HIPK3: variants seen among roughly 807,000 people sequenced by gnomAD.
The protein encoded by HIPK3 is homeodomain-interacting protein kinase 3.
A neutral mutation model predicts 124.2 loss-of-function variants in HIPK3; 47 were observed. The observed-to-expected ratio is 0.38, with a 90% CI of 0.30 to 0.48. HIPK3 has a LOEUF of 0.48. HIPK3 is among the 20% of genes least tolerant of loss of function. HIPK3 has a pLI of 0.98. For synonymous variants in HIPK3, 482 were observed against 515.2 expected, an observed-to-expected ratio of 0.94 and a Z score of 0.87; for missense variants, 1,286 against 1,454.3, an observed-to-expected ratio of 0.88 and a Z score of 1.88.
At chr11:33,345,554 CAA>C (rs1853467825) in intron 8 of HIPK3, among the ~76,000 whole-genome samples, 1 of 151,964 alleles carries the variant, frequency 6.6e-6, no homozygotes, top group Admixed American at 6.5e-5. Context: ...AATTTACAGA[CAA>C]TGAGATTTTT....
intron 1 of HIPK3, among the ~76,000 whole-genome samples, chr11:33,266,052 C>G (rs1189210432): frequency 2.2e-5 from 3 of 138,578 alleles, no homozygotes; most frequent in Non-Finnish European, 4.6e-5. Context: ...GAGTGAGACT[C>G]CATCTCAAAA....
intron 15 of HIPK3, 128 bp downstream of exon 15, chr11:33,351,971 G>A (rs1316513742): frequency 1.0e-6 from 1 of 997,250 alleles, no homozygotes; most frequent in African/African-American, 1.6e-5. Flanking sequence ...ATTGTACAGA[G>A]GAAATCTTCT....
At chr11:33,273,861 TA>T (rs1307353067) in intron 1 of HIPK3, among the ~76,000 whole-genome samples, 1 of 152,208 alleles carries the variant, frequency 6.6e-6, no homozygotes. Flanking sequence ...CTTATGCAGT[TA>T]AATATTTATC....
intron 1 of HIPK3, among the ~76,000 whole-genome samples, chr11:33,286,064 T>A (rs534388427): frequency 3.0e-4 from 45 of 152,284 alleles, no homozygotes; most frequent in Admixed American, 2.9e-3. Flanking sequence ...GATCTATACT[T>A]TTCTTTTGAG....
At chr11:33,342,139 C>T (rs1026093544) in intron 8 of HIPK3, among the ~76,000 whole-genome samples, 5 of 147,076 alleles carry the variant, frequency 3.4e-5, no homozygotes, top group East Asian at 4.1e-4. Context: ...TTAAGCTGTT[C>T]AATAAGCCTT....
chr11:33,283,594 G>A lies in HIPK3; in HGVS notation c.-2-2819G>A, dbSNP rs576949868. Among the ~76,000 whole-genome samples the A allele has an allele frequency of 7.2e-5, 11 of 152,170 alleles. No individual in the cohort carries two copies. The East Asian group carries it at 2.1e-3, about 29-fold the overall frequency. The stretch of plus-strand genomic sequence containing the variant: ...ATTTGCACCTTTTATCTGAAAGGTG[G>A]TACGTTTACTTGTTCCTTGTACCAT... On this transcript the variant is annotated intron_variant, in intron 1 of 16. Coordinates refer to ENST00000303296, the MANE Select transcript of HIPK3 (RefSeq NM_005734.5).
At position 33,356,697 on chromosome 11, in the gene HIPK3, A is replaced by C. The variant is rs1853826402; in HGVS notation, c.*3129A>C. 6.6e-6 allele frequency: 1 copy of C among 152,072 alleles called. No homozygotes were observed. Among genetic ancestry groups the C allele is most frequent in the Admixed American group, 6.6e-5 (1 of 15,264 alleles). The allele number at this position is 152,072 out of a possible 1,614,324, so 9.4% of individuals were successfully genotyped here. A position where few individuals can be genotyped will look rare whatever the true frequency, so the allele number is the denominator to read the frequency against. ...ATTTGATTACTAAGTTTGAACTGTTAATTGTTTAACAATTTTAGACTTGTG... is the reference window on the plus strand; with the variant it reads ...ATTTGATTACTAAGTTTGAACTGTTCATTGTTTAACAATTTTAGACTTGTG... On this transcript the variant is annotated 3_prime_UTR_variant, in exon 17 of 17. Coordinates refer to ENST00000303296, the MANE Select transcript of HIPK3 (RefSeq NM_005734.5).
intron 7 of HIPK3, 125 bp downstream of exon 7, chr11:33,341,252 C>T: frequency 1.6e-6 from 1 of 622,490 alleles, no homozygotes; most frequent in Non-Finnish European, 2.6e-6. Context: ...CTTACTATAC[C>T]TGTTTTTACC....
At chr11:33,317,580 A>C (rs1372498189) in intron 2 of HIPK3, among the ~76,000 whole-genome samples, 1 of 152,168 alleles carries the variant, frequency 6.6e-6, no homozygotes, top group Non-Finnish European at 1.5e-5. Flanking sequence ...CTTATTTTAT[A>C]GTATGAGATG....
Position 33,347,995 on chromosome 11 carries a change from A to G in HIPK3, c.2288A>G (p.Asn763Ser), listed in dbSNP as rs1286063505. The G allele has an allele frequency of 6.2e-7, 1 of 1,614,236 alleles. No homozygotes were observed. Among genetic ancestry groups the G allele is most frequent in the Admixed American group, 1.7e-5 (1 of 60,028 alleles). ...VWPQPATTKK[N>S]KQCQNRGILV... ...CCTCAGCCTGCCACTACCAAGAAAA[A>G]TAAACAGTGCCAGAACAGGTTGGTA... The change falls in exon 11 of 17, where the codon AAT (asparagine) becomes AGT (serine). Residue 763 changes from asparagine (N) to serine (S), a missense_variant. Asn to Ser is a conservative substitution (Grantham distance 46). Transcript: ENST00000303296.
chr11:33,307,777 T>TGA (rs1339400178), intron 2 of HIPK3, among the ~76,000 whole-genome samples: 2 of 151,968 alleles, frequency 1.3e-5, no homozygotes, highest in Non-Finnish European at 2.9e-5. Context: ...TGTGTGTGTG[T>TGA]GTGAGTGAGA....
chr11:33,332,235 G>A (rs1346428482), intron 3 of HIPK3, among the ~76,000 whole-genome samples: 3 of 152,128 alleles, frequency 2.0e-5, no homozygotes, highest in African/African-American at 7.2e-5. Flanking sequence ...CACTGACCGT[G>A]TTGAAAATTT....
rs111550824 is a variant in HIPK3, at chr11:33,331,630, G to A, written c.1221+2997G>A. 5.4e-3 allele frequency among the ~76,000 whole-genome samples: 819 copies of A among 151,922 alleles called. 6 individuals are homozygous for A. The highest frequency in any genetic ancestry group is 9.4e-3 in the Non-Finnish European group (636 of 67,896). Reference sequence around the variant, plus strand: ...CTGGGCTTAAGCCATCCTCCCGCCTGGACCTCCAGACATGCTGGGATTACA... The same window carrying A: ...CTGGGCTTAAGCCATCCTCCCGCCTAGACCTCCAGACATGCTGGGATTACA... On this transcript the variant is annotated intron_variant, in intron 3 of 16. Coordinates refer to ENST00000303296, the MANE Select transcript of HIPK3 (RefSeq NM_005734.5).
chr11:33,315,522 G>A (rs1197427052), intron 2 of HIPK3, among the ~76,000 whole-genome samples: 1 of 152,162 alleles, frequency 6.6e-6, no homozygotes, highest in East Asian at 1.9e-4. Context: ...ACTGCGCCTG[G>A]CCTTAGCTAA....
In HIPK3 at chr11:33,257,418, G is replaced by A. The variant is rs975939726; in HGVS notation, c.-474G>A. On this transcript the variant is annotated 5_prime_UTR_variant, in exon 1 of 17. Transcript: ENST00000303296. Reference sequence around the variant, plus strand: ...CTCAGTGACGACTGCCGGCATCGCGGCGACCTGAGGAGATCAAGCCGCAGG... The same window carrying A: ...CTCAGTGACGACTGCCGGCATCGCGACGACCTGAGGAGATCAAGCCGCAGG... 2.0e-6 allele frequency: 2 copies of A among 985,108 alleles called. No homozygotes were observed. The highest frequency in any genetic ancestry group is 2.4e-6 in the Non-Finnish European group (2 of 829,848). 61.0% of individuals were successfully genotyped at this position (985,108 alleles called of 1,614,324 possible). A position where few individuals can be genotyped will look rare whatever the true frequency, so the allele number is the denominator to read the frequency against.
Position 33,257,614 on chromosome 11 carries a change from C to G in HIPK3, c.-278C>G. ...TCGCCCTAGCCAAGCCGTCCCCACC[C>G]CAAATCCCCGGGAAGGAAGATGAGG... On this transcript the variant is annotated 5_prime_UTR_variant, in exon 1 of 17. Transcript: ENST00000303296. 2.0e-6 allele frequency: 2 copies of G among 988,490 alleles called. No homozygotes were observed. The highest frequency in any genetic ancestry group is 2.4e-6 in the Non-Finnish European group (2 of 831,882). 61.2% of individuals were successfully genotyped at this position (988,490 alleles called of 1,614,324 possible). A position where few individuals can be genotyped will look rare whatever the true frequency, so the allele number is the denominator to read the frequency against.
intron 8 of HIPK3, among the ~76,000 whole-genome samples, chr11:33,345,720 CTTTT>C (rs761012242): frequency 2.0e-5 from 3 of 151,920 alleles, no homozygotes; most frequent in Non-Finnish European, 4.4e-5. Context: ...TCAAGACAGG[CTTTT>C]TAGCAGGAGT....
chr11:33,290,905 G>A (rs955587667), intron 2 of HIPK3, among the ~76,000 whole-genome samples: 5 of 152,092 alleles, frequency 3.3e-5, no homozygotes, highest in Admixed American at 1.3e-4. Context: ...CTATACAATT[G>A]CTATGCTAAA....
intron 2 of HIPK3, among the ~76,000 whole-genome samples, chr11:33,325,865 A>T (rs1443348836): frequency 4.6e-5 from 7 of 152,210 alleles, no homozygotes; most frequent in African/African-American, 1.7e-4. Context: ...GCATTTGATT[A>T]TACCTAAATA....
Sources: allele counts gnomAD v4.1 joint callset (sites outside exome capture counted in the v4.1 genomes callset), GRCh38; gene constraint gnomAD v4.1.1; transcripts MANE v1.5; gene names NCBI Gene and HGNC (gene_info 2026-07-23, HGNC 2026-07-21).